Variants in PRKN observed in about 807,000 individuals in gnomAD.
PRKN encodes the protein parkin RBR E3 ubiquitin protein ligase, also known as E3 ubiquitin-protein ligase parkin.
A neutral mutation model predicts 59.5 loss-of-function variants in PRKN; 56 were observed. The ratio of observed to expected loss-of-function variants is 0.94; its 90% confidence interval spans 0.76 to 1.18. The LOEUF is 1.18. Among genes scored for constraint, PRKN ranks in the 50% most tolerant of loss-of-function variants. The pLI is 0.00. For missense variants in PRKN, 657 were observed against 596.4 expected (o/e 1.10, Z -1.06); for synonymous variants, 250 against 222.1 (o/e 1.13, Z -1.12).
At chr6:162,330,875 A>G (rs1954950) in intron 2 of PRKN, among the ~76,000 whole-genome samples, 112,736 of 152,050 alleles carry the variant, frequency 0.74, 42,718 homozygotes, top group East Asian at 0.9. Context: ...TTGTGGAGGC[A>G]TTCAACAGCC....
At chr6:162,594,180 A>G (rs926100450) in intron 1 of PRKN, among the ~76,000 whole-genome samples, 1 of 152,064 alleles carries the variant, frequency 6.6e-6, no homozygotes, top group African/African-American at 2.4e-5. Context: ...ACCCCTTTGG[A>G]AGAGTAGTCT....
chr6:161,905,656 A>T (rs962430631), intron 6 of PRKN, among the ~76,000 whole-genome samples: 5 of 151,740 alleles, frequency 3.3e-5, no homozygotes, highest in Admixed American at 6.6e-5. Context: ...ATTTATATAT[A>T]TATTTTTTTA....
intron 6 of PRKN, among the ~76,000 whole-genome samples, chr6:161,787,271 A>G (rs1378443774): frequency 6.6e-6 from 1 of 152,212 alleles, no homozygotes; most frequent in Admixed American, 6.5e-5. Flanking sequence ...AACAAAGAAA[A>G]TACAATTCCT....
At chr6:161,970,941 C>CGTGCA (rs1165784127) in intron 6 of PRKN, among the ~76,000 whole-genome samples, 1 of 152,092 alleles carries the variant, frequency 6.6e-6, no homozygotes, top group Non-Finnish European at 1.5e-5. Flanking sequence ...ACGGAGTGTC[C>CGTGCA]GTGCAGGCGC....
chr6:161,967,146 AT>A (rs1455368590), intron 6 of PRKN, among the ~76,000 whole-genome samples: 1 of 152,208 alleles, frequency 6.6e-6, no homozygotes, highest in African/African-American at 2.4e-5. Context: ...AGAGTAAAAT[AT>A]TTTATGTCAA....
intron 9 of PRKN, among the ~76,000 whole-genome samples, chr6:161,528,183 G>C (rs1779080832): frequency 6.6e-6 from 1 of 152,186 alleles, no homozygotes; most frequent in Non-Finnish European, 1.5e-5. Context: ...GTCATATTGA[G>C]ACAGGATTTT....
In PRKN at chr6:161,468,038, T is replaced by A. The variant is rs1790568111; in HGVS notation, c.1083+80816A>T. Among the ~76,000 whole-genome samples the A allele has an allele frequency of 6.6e-6, 1 of 152,174 alleles. No individual in the cohort carries two copies. Among genetic ancestry groups the A allele is most frequent in the African/African-American group, 2.4e-5 (1 of 41,446 alleles). On this transcript the variant is annotated intron_variant, in intron 9 of 11. Transcript: ENST00000366898. This position sits in a 1 kb window ranked among gnomAD's most constrained non-coding sequence, Gnocchi z 5.9. ...ACCAGGCTGGAGTGAAGTGGTGTGATCTCAGCTCACTGCAACCTCTGCCTT... is the reference window on the plus strand; with the variant it reads ...ACCAGGCTGGAGTGAAGTGGTGTGAACTCAGCTCACTGCAACCTCTGCCTT...
intron 7 of PRKN, among the ~76,000 whole-genome samples, chr6:161,755,623 A>T (rs1421336432): frequency 6.6e-6 from 1 of 152,138 alleles, no homozygotes; most frequent in South Asian, 2.1e-4. Flanking sequence ...GATGATAATG[A>T]TGAAAATAAC....
intron 7 of PRKN, among the ~76,000 whole-genome samples, chr6:161,695,442 A>G (rs532713077): frequency 6.6e-6 from 1 of 152,234 alleles, no homozygotes; most frequent in South Asian, 2.1e-4. Flanking sequence ...TGTACTAGTA[A>G]CCACCCTATT....
intron 4 of PRKN, among the ~76,000 whole-genome samples, chr6:162,058,910 C>A (rs1201774138): frequency 1.3e-5 from 2 of 149,004 alleles, no homozygotes; most frequent in Non-Finnish European, 1.5e-5. Flanking sequence ...CGAGATCACA[C>A]CACTGCACTC....
At chr6:162,592,053 G>A (rs1781331555) in intron 1 of PRKN, among the ~76,000 whole-genome samples, 1 of 152,164 alleles carries the variant, frequency 6.6e-6, no homozygotes, top group Non-Finnish European at 1.5e-5. Flanking sequence ...AGGCTAGAGT[G>A]CAATGGCACC....
At chr6:162,194,158 A>C (rs1784400381) in intron 4 of PRKN, among the ~76,000 whole-genome samples, 1 of 152,370 alleles carries the variant, frequency 6.6e-6, no homozygotes, top group African/African-American at 2.4e-5. Context: ...TAGACGTACA[A>C]GTATATTAAA....
rs1345270182 is a variant in PRKN, at chr6:162,364,771, A to T, written c.171+78539T>A. On this transcript the variant is annotated intron_variant, in intron 2 of 11. Coordinates refer to ENST00000366898, the MANE Select transcript of PRKN (RefSeq NM_004562.3). ...AAGGGGAATCAGGAAGAGGGAGGAGAGGCTTACATTTCCAGAATGAGCCAG... is the reference window on the plus strand; with the variant it reads ...AAGGGGAATCAGGAAGAGGGAGGAGTGGCTTACATTTCCAGAATGAGCCAG... Among the ~76,000 whole-genome samples the T allele has an allele frequency of 1.3e-5, 2 of 152,126 alleles. 1 individual carries two copies. The highest frequency in any genetic ancestry group is 4.8e-5 in the African/African-American group (2 of 41,436).
At chr6:162,185,288 TC>T (rs1562566079) in intron 4 of PRKN, among the ~76,000 whole-genome samples, 1 of 151,980 alleles carries the variant, frequency 6.6e-6, no homozygotes, top group Admixed American at 6.6e-5. Flanking sequence ...ACTTACTTTT[TC>T]CCCCCACTAA....
At chr6:161,946,445 C>CTCTT (rs1779786072) in intron 6 of PRKN, among the ~76,000 whole-genome samples, 1 of 134,956 alleles carries the variant, frequency 7.4e-6, no homozygotes, top group African/African-American at 2.6e-5. Context: ...CTCTCTCTCT[C>CTCTT]TCTCTCAATA....
At position 161,447,085 on chromosome 6, in the gene PRKN, C is replaced by G; in HGVS notation, c.1084-60208G>C. 6.6e-6 allele frequency among the ~76,000 whole-genome samples: 1 copy of G among 152,112 alleles called. No individual in the cohort carries two copies. The highest frequency in any genetic ancestry group is 1.9e-4 in the East Asian group (1 of 5,198). On this transcript the variant is annotated intron_variant, in intron 9 of 11. Transcript: ENST00000366898. The surrounding 1 kb of genome is among the most constrained non-coding windows in gnomAD (Gnocchi z 4.1). ...AAAGAAGTCAATACAAGGAAAATATCCTTTTTTAATCCCATTTTCCTTCTC... is the reference window on the plus strand; with the variant it reads ...AAAGAAGTCAATACAAGGAAAATATGCTTTTTTAATCCCATTTTCCTTCTC...
intron 2 of PRKN, among the ~76,000 whole-genome samples, chr6:162,306,868 A>C (rs981947437): frequency 6.6e-6 from 1 of 151,956 alleles, no homozygotes; most frequent in African/African-American, 2.4e-5. Context: ...CAGCACATCC[A>C]CTCCAGCTGA....
At chr6:161,989,883 C>T (rs1427257526) in intron 5 of PRKN, among the ~76,000 whole-genome samples, 2 of 152,128 alleles carry the variant, frequency 1.3e-5, no homozygotes, top group Non-Finnish European at 1.5e-5. Context: ...TGAGGATGGG[C>T]CCACTCAGCC....
At chr6:162,214,572 GA>G (rs1343802288) in intron 3 of PRKN, among the ~76,000 whole-genome samples, 1 of 152,192 alleles carries the variant, frequency 6.6e-6, no homozygotes, top group African/African-American at 2.4e-5. Flanking sequence ...CTAAGGGAAT[GA>G]ATTCCTTCTT....
Sources: allele counts gnomAD v4.1 joint callset (sites outside exome capture counted in the v4.1 genomes callset), GRCh38; gene constraint gnomAD v4.1.1; non-coding constraint Gnocchi (gnomAD v3.1); transcripts MANE v1.5; gene names NCBI Gene and HGNC (gene_info 2026-07-23, HGNC 2026-07-21).